EVC: variants seen among roughly 807,000 people sequenced by gnomAD.
EVC encodes EvC ciliary complex subunit 1.
EVC carries 116 observed loss-of-function variants against 118.9 expected under a neutral mutation model. That is an observed-to-expected ratio of 0.98 (90% CI 0.84 to 1.14). EVC has a LOEUF of 1.14. EVC is among the 50% of genes most tolerant of loss of function. The pLI is 0.00. For synonymous variants in EVC, 619 were observed against 534.7 expected, an observed-to-expected ratio of 1.16 and a Z score of -2.18; for missense variants, 1,401 against 1,246.4, an observed-to-expected ratio of 1.12 and a Z score of -1.87.
chr4:5,802,488 T>A (rs1331784490), intron 16 of EVC, among the ~76,000 whole-genome samples: 1 of 152,172 alleles, frequency 6.6e-6, no homozygotes, highest in Non-Finnish European at 1.5e-5. Context: ...GTGCATTATA[T>A]CTATTGTGCA....
Position 5,743,888 on chromosome 4 carries a change from G to A in EVC, c.802-1316G>A, listed in dbSNP as rs1462637449. Among the ~76,000 whole-genome samples the A allele has an allele frequency of 6.6e-6, 1 of 152,176 alleles. No homozygotes were observed. The highest frequency in any genetic ancestry group is 2.4e-5 in the African/African-American group (1 of 41,454). On this transcript the variant is annotated intron_variant, in intron 6 of 20. Coordinates refer to ENST00000264956, the MANE Select transcript of EVC (RefSeq NM_153717.3). This position sits in a 1 kb window ranked among gnomAD's most constrained non-coding sequence, Gnocchi z 4.7. Reference sequence around the variant, plus strand: ...CAAATGACTTTCCAATGGCAAAAATGATAATGATGATGATGACATTTATAA... The same window carrying A: ...CAAATGACTTTCCAATGGCAAAAATAATAATGATGATGATGACATTTATAA...
At chr4:5,777,930 T>C (rs1734956253) in intron 11 of EVC, among the ~76,000 whole-genome samples, 2 of 152,080 alleles carry the variant, frequency 1.3e-5, no homozygotes, top group Admixed American at 6.5e-5. Context: ...GCTGGTGCGC[T>C]GCACCCACTA....
In EVC at chr4:5,813,263, G is replaced by C. The variant is rs1447771972; in HGVS notation, c.*2226G>C. On this transcript the variant is annotated 3_prime_UTR_variant, in exon 21 of 21. Transcript: ENST00000264956. Reference sequence around the variant, plus strand: ...TTTGCCCAGGCTGGAGTGCAGTGGCGTGATCTCGGCTCATGGCAATCTCCA... The same window carrying C: ...TTTGCCCAGGCTGGAGTGCAGTGGCCTGATCTCGGCTCATGGCAATCTCCA... The C allele has an allele frequency of 6.6e-6, 1 of 152,234 alleles. No individual in the cohort carries two copies. The highest frequency in any genetic ancestry group is 1.5e-5 in the Non-Finnish European group (1 of 68,058). The allele number at this position is 152,234 out of a possible 1,614,324, so 9.4% of individuals were successfully genotyped here. A position where few individuals can be genotyped will look rare whatever the true frequency, so the allele number is the denominator to read the frequency against.
Position 5,711,542 on chromosome 4 carries a change from C to G in EVC, c.162C>G (p.Arg54=), listed in dbSNP as rs1305323625. 1 of 1,171,110 alleles carries G rather than the reference C, an allele frequency of 8.5e-7. No homozygotes were observed. Among genetic ancestry groups the G allele is most frequent in the Admixed American group, 4.6e-5 (1 of 21,528 alleles). The allele number at this position is 1,171,110 out of a possible 1,614,324, so 72.5% of individuals were successfully genotyped here. A position where few individuals can be genotyped will look rare whatever the true frequency, so the allele number is the denominator to read the frequency against. ...LWLGCRAGRQ[R]TRHQKDDTQN... is the part of the protein sequence containing the mutation. Reference sequence around the variant, plus strand: ...TTGGCTGCCGCGCGGGCCGCCAGCGCACGCGACACCAGGTGGGTCGGCCGA... The same window carrying G: ...TTGGCTGCCGCGCGGGCCGCCAGCGGACGCGACACCAGGTGGGTCGGCCGA... The change falls in exon 1 of 21, where the codon CGC becomes CGG. Residue 54 remains arginine (R), a synonymous_variant. Coordinates refer to ENST00000264956, the MANE Select transcript of EVC (RefSeq NM_153717.3).
At chr4:5,792,963 C>G (rs1713071309) in intron 12 of EVC, among the ~76,000 whole-genome samples, 1 of 152,134 alleles carries the variant, frequency 6.6e-6, no homozygotes, top group Non-Finnish European at 1.5e-5. Flanking sequence ...GATGGCGATT[C>G]TCTCCAAATT....
At chr4:5,822,006 CAG>C in the EVC span, among the ~76,000 whole-genome samples, 9 of 124,028 alleles carry the variant, frequency 7.3e-5, no homozygotes, top group South Asian at 2.1e-3. Context: ...CTGGCCTCCA[CAG>C]AGTCCACTGC....
At chr4:5,764,678 G>C (rs1469542148) in intron 11 of EVC, among the ~76,000 whole-genome samples, 2 of 144,068 alleles carry the variant, frequency 1.4e-5, no homozygotes, top group Non-Finnish European at 3.1e-5. Flanking sequence ...AGATTTTCTA[G>C]TTTATTTGCG....
chr4:5,799,359 T>G (rs561349825), intron 15 of EVC, among the ~76,000 whole-genome samples: 1 of 152,356 alleles, frequency 6.6e-6, no homozygotes, highest in East Asian at 1.9e-4. Context: ...TAAGTCTAAC[T>G]AAGTGCTTCT....
At chr4:5,736,550 C>T (rs1262684842) in intron 5 of EVC, among the ~76,000 whole-genome samples, 1 of 147,330 alleles carries the variant, frequency 6.8e-6, no homozygotes, top group Admixed American at 6.8e-5. Context: ...TTTGGCAACT[C>T]TGCATCCAGC....
intron 16 of EVC, among the ~76,000 whole-genome samples, chr4:5,803,383 A>G (rs1468632867): frequency 6.6e-6 from 1 of 152,238 alleles, no homozygotes; most frequent in African/African-American, 2.4e-5. Flanking sequence ...ATCGGGGCAC[A>G]TGCCCAGAGA....
At chr4:5,815,954 T>C (rs963185313), downstream of EVC, among the ~76,000 whole-genome samples, 1 of 151,832 alleles carries the variant, frequency 6.6e-6, no homozygotes, top group South Asian at 2.1e-4. Context: ...GTATATACTT[T>C]CCTCCTGTGG....
chr4:5,828,389 A>ATT, the EVC span: 57 of 1,477,180 alleles, frequency 3.9e-5, no homozygotes, highest in South Asian at 5.7e-5. Flanking sequence ...TCCCAGGGCG[A>ATT]TGACATTATT....
chr4:5,808,740 C>T (rs1309444239), intron 18 of EVC, among the ~76,000 whole-genome samples: 2 of 152,216 alleles, frequency 1.3e-5, no homozygotes, highest in South Asian at 2.1e-4. Flanking sequence ...ACAGGAAGCT[C>T]AGCTCTCATG....
the EVC span, among the ~76,000 whole-genome samples, chr4:5,823,016 C>A: frequency 2.0e-5 from 3 of 152,198 alleles, no homozygotes; most frequent in African/African-American, 4.8e-5. Flanking sequence ...ATCTGACTTT[C>A]TTTACCGACA....
chr4:5,816,580 TC>T (rs1323294764), downstream of EVC, among the ~76,000 whole-genome samples: 1 of 142,618 alleles, frequency 7.0e-6, no homozygotes, highest in Non-Finnish European at 1.5e-5. Context: ...ACTCCCTTCC[TC>T]CCCTCCCTCC....
chr4:5,736,098 C>T (rs1178789286), intron 5 of EVC, among the ~76,000 whole-genome samples: 1 of 152,004 alleles, frequency 6.6e-6, no homozygotes, highest in Non-Finnish European at 1.5e-5. Flanking sequence ...GTCCAAGAGG[C>T]AGGAGAAGCT....
intron 2 of EVC, 23 bp from the exon 3 acceptor site, chr4:5,729,284 C>T (rs368345423): frequency 3.1e-6 from 5 of 1,611,432 alleles, no homozygotes; most frequent in Admixed American, 1.7e-5. Flanking sequence ...GTTTCCCATG[C>T]CGTTTGTGTC....
At chr4:5,728,013 T>A (rs1251443328) in intron 2 of EVC, among the ~76,000 whole-genome samples, 1 of 151,442 alleles carries the variant, frequency 6.6e-6, no homozygotes, top group Non-Finnish European at 1.5e-5. Context: ...GTGTGATGCC[T>A]CCAGCTTTGT....
intron 11 of EVC, among the ~76,000 whole-genome samples, chr4:5,761,215 C>T (rs1731957048): frequency 1.3e-5 from 2 of 152,002 alleles, no homozygotes; most frequent in African/African-American, 2.4e-5. Flanking sequence ...CCAGACCTGG[C>T]ACATGGTAGG....
Sources: allele counts gnomAD v4.1 joint callset (sites outside exome capture counted in the v4.1 genomes callset), GRCh38; gene constraint gnomAD v4.1.1; non-coding constraint Gnocchi (gnomAD v3.1); transcripts MANE v1.5; gene names NCBI Gene and HGNC (gene_info 2026-07-23, HGNC 2026-07-21).